The following ABCA12 variants were observed in gnomAD, a reference collection of about 807,000 sequenced individuals.
ABCA12 encodes ATP binding cassette subfamily A member 12, also known as glucosylceramide transporter ABCA12.
Under a neutral mutation model 293.5 loss-of-function variants are expected in ABCA12, and 156 were observed. The ratio of observed to expected loss-of-function variants is 0.53; its 90% CI spans 0.47 to 0.61. ABCA12 has a LOEUF of 0.61. Among genes scored for constraint, ABCA12 ranks in the 20% least tolerant of loss-of-function variants. ABCA12 has a pLI of 0.00. For missense variants in ABCA12, 2,797 were observed against 3,090.2 expected (o/e 0.91, Z 2.25); for synonymous variants, 1,063 against 1,108.0 (o/e 0.96, Z 0.81).
chr2:215,128,853 C>T lies in ABCA12; in HGVS notation c.69+9287G>A, dbSNP rs989263735. Among the ~76,000 whole-genome samples the T allele has an allele frequency of 3.7e-4, 56 of 152,076 alleles. 1 individual carries two copies. Among genetic ancestry groups the T allele is most frequent in the African/African-American group, 1.4e-3 (56 of 41,420 alleles). On this transcript the variant is annotated intron_variant, in intron 1 of 52. Transcript: ENST00000272895. ...ATTGCTGGTGAACTAGTGTGATTTT[C>T]TGGGGGTGTTGAAGAGCCTTGTTTT...
chr2:215,135,393 C>G (rs1275382699), intron 1 of ABCA12, among the ~76,000 whole-genome samples: 1 of 152,128 alleles, frequency 6.6e-6, no homozygotes, highest in Non-Finnish European at 1.5e-5. Context: ...TTAACTTCTT[C>G]TCTTTTGAAT....
chr2:215,122,429 A>T (rs1702826829), intron 1 of ABCA12, among the ~76,000 whole-genome samples: 1 of 152,184 alleles, frequency 6.6e-6, no homozygotes, highest in African/African-American at 2.4e-5. Context: ...GCTTAATCCT[A>T]AATTGTTTTA....
intron 2 of ABCA12, among the ~76,000 whole-genome samples, chr2:215,088,277 A>T (rs566332542): frequency 1.3e-5 from 2 of 152,228 alleles, no homozygotes; most frequent in Non-Finnish European, 2.9e-5. Context: ...AACTAAGACA[A>T]TTGTAGCAGA....
intron 33 of ABCA12, among the ~76,000 whole-genome samples, chr2:214,977,102 GGAACTGTA>G (rs1699535118): frequency 6.6e-6 from 1 of 152,146 alleles, no homozygotes; most frequent in Non-Finnish European, 1.5e-5. Context: ...TCTGCAAAAG[GGAACTGTA>G]GAAGGAGCTG....
chr2:214,976,393 C>G (rs1699518105), intron 33 of ABCA12, among the ~76,000 whole-genome samples: 1 of 151,994 alleles, frequency 6.6e-6, no homozygotes, highest in African/African-American at 2.4e-5. Context: ...CAATGCAGAC[C>G]CAGTATATAT....
intron 50 of ABCA12, among the ~76,000 whole-genome samples, chr2:214,942,069 T>TTTGGC (rs1698424362): frequency 6.6e-6 from 1 of 152,190 alleles, no homozygotes; most frequent in Admixed American, 6.5e-5. Context: ...GTCTTTACAA[T>TTTGGC]ACACTTGTAA....
intron 50 of ABCA12, among the ~76,000 whole-genome samples, chr2:214,938,035 C>T (rs952281776): frequency 5.3e-5 from 8 of 152,054 alleles, no homozygotes; most frequent in Non-Finnish European, 8.8e-5. Context: ...ATACATGTGC[C>T]GTGGTGGTTT....
intron 7 of ABCA12, among the ~76,000 whole-genome samples, chr2:215,038,468 G>A (rs1029077469): frequency 5.9e-5 from 9 of 152,148 alleles, no homozygotes; most frequent in Non-Finnish European, 1.2e-4. Context: ...TTTCTGCACA[G>A]AGCCCACAGG....
At chr2:214,936,140 T>C (rs1164009284) in intron 51 of ABCA12, among the ~76,000 whole-genome samples, 1 of 152,156 alleles carries the variant, frequency 6.6e-6, no homozygotes, top group Non-Finnish European at 1.5e-5. Flanking sequence ...AAATAAACAA[T>C]TTATAAGCTT....
intron 2 of ABCA12, among the ~76,000 whole-genome samples, chr2:215,082,040 A>C (rs1701952329): frequency 1.1e-5 from 1 of 90,018 alleles, no homozygotes; most frequent in African/African-American, 3.9e-5. Context: ...GAAATTGTTA[A>C]TTCTTTTTTT....
At chr2:215,091,587 A>G (rs112471492) in intron 2 of ABCA12, among the ~76,000 whole-genome samples, 8,533 of 149,166 alleles carry the variant, frequency 0.057, 764 homozygotes, top group African/African-American at 0.19. Flanking sequence ...TATTCTCAAT[A>G]TGCATTTTAT....
chr2:214,963,651 T>C (rs1205336761), intron 39 of ABCA12, among the ~76,000 whole-genome samples: 1 of 145,546 alleles, frequency 6.9e-6, no homozygotes, highest in Non-Finnish European at 1.5e-5. Context: ...TGATGGCTCA[T>C]GCCTGTAATC....
chr2:215,112,854 C>G (rs59223645), intron 1 of ABCA12, among the ~76,000 whole-genome samples: 9 of 151,944 alleles, frequency 5.9e-5, no homozygotes, highest in African/African-American at 2.2e-4. Flanking sequence ...TTTTCCTCCC[C>G]GTGTAGAAGT....
Position 214,974,765 on chromosome 2 carries a change from A to AAGAACC in ABCA12, c.5468+7_5468+12dup. 6.2e-7 allele frequency: 1 copy of AAGAACC among 1,613,702 alleles called. No individual in the cohort carries two copies. Among genetic ancestry groups the AAGAACC allele is most frequent in the Non-Finnish European group, 8.5e-7 (1 of 1,179,630 alleles). On this transcript the variant is annotated intron_variant, in intron 35 of 52. Coordinates refer to ENST00000272895, the MANE Select transcript of ABCA12 (RefSeq NM_173076.3). ...TGCTGAAAACAAAAAATAGAAGAGC[A>AAGAACC]AGAACCACTTACAGATCACTGGTGT... is the stretch of plus-strand genomic sequence containing the variant.
chr2:215,063,946 C>T (rs547771844), intron 3 of ABCA12, 120 bp downstream of exon 3: 325 of 1,218,548 alleles, frequency 2.7e-4, no homozygotes, highest in Admixed American at 1.5e-3. Context: ...TAGATCATCA[C>T]ATTTATAGAC....
intron 9 of ABCA12, chr2:215,029,057 G>A (rs1176513796): frequency 1.3e-5 from 2 of 152,198 alleles, no homozygotes; most frequent in African/African-American, 4.8e-5. Flanking sequence ...ATTTTGGGAA[G>A]AGGAGGGTAG....
At chr2:215,086,579 C>T (rs1281466438) in intron 2 of ABCA12, among the ~76,000 whole-genome samples, 1 of 152,172 alleles carries the variant, frequency 6.6e-6, no homozygotes, top group Non-Finnish European at 1.5e-5. Context: ...CAAACCCAGG[C>T]TCCTAATACC....
At chr2:215,089,899 CCT>C (rs1422257524) in intron 2 of ABCA12, among the ~76,000 whole-genome samples, 1 of 152,154 alleles carries the variant, frequency 6.6e-6, no homozygotes, top group Non-Finnish European at 1.5e-5. Flanking sequence ...CAGTTCTACC[CCT>C]GTGACTTAAT....
chr2:215,072,631 A>C (rs1413571799), intron 2 of ABCA12, among the ~76,000 whole-genome samples: 1 of 152,210 alleles, frequency 6.6e-6, no homozygotes, highest in Non-Finnish European at 1.5e-5. Flanking sequence ...GGTTCCAAAG[A>C]TCATGGCCTG....
Sources: allele counts gnomAD v4.1 joint callset (sites outside exome capture counted in the v4.1 genomes callset), GRCh38; gene constraint gnomAD v4.1.1; transcripts MANE v1.5; gene names NCBI Gene and HGNC (gene_info 2026-07-23, HGNC 2026-07-21).